ARHGEF9: variants seen among roughly 807,000 people sequenced by gnomAD.
The protein encoded by ARHGEF9 is Cdc42 guanine nucleotide exchange factor 9, also known as rho guanine nucleotide exchange factor 9.
ARHGEF9 carries 2 observed loss-of-function variants against 41.3 expected under a neutral mutation model. That is an observed-to-expected ratio of 0.05 (90% CI 0.02 to 0.15). The LOEUF (loss-of-function observed/expected upper bound fraction) is 0.15, where lower values mean the gene tolerates loss of function less well. Among genes scored for constraint, ARHGEF9 ranks in the 10% least tolerant of loss-of-function variants. The probability of loss-of-function intolerance (pLI) is 1.00; values close to 1 mark genes in which losing one functional copy is unlikely to be tolerated. For synonymous variants in ARHGEF9, 160 were observed against 154.4 expected (o/e 1.04, Z -0.27); for missense variants, 225 against 424.7 (o/e 0.53, Z 4.13).
chrX:63,745,433 A>G (rs2055207566), intron 1 of ARHGEF9, among the ~76,000 whole-genome samples: 2 of 111,098 alleles, frequency 1.8e-5, no homozygotes, highest in African/African-American at 3.3e-5. Flanking sequence ...GAGGTTATAT[A>G]AAGCTCTTGT....
Position 63,703,979 on chromosome X carries a change from T to G in ARHGEF9, c.402+2279A>C, listed in dbSNP as rs782360004. Among the ~76,000 whole-genome samples the G allele has an allele frequency of 1.6e-3, 173 of 111,242 alleles. 1 individual carries two copies. Among genetic ancestry groups the G allele is most frequent in the African/African-American group, 5.5e-3 (167 of 30,606 alleles). On this transcript the variant is annotated intron_variant, in intron 3 of 9. Coordinates refer to ENST00000671741, the MANE Select transcript of ARHGEF9 (RefSeq NM_001353921.2). Reference sequence around the variant, plus strand: ...TGCTGAAGGAAAAGCAAGAGGCCAGTATAGCTGGAGTAGTAACGAAAGCAT... The same window carrying G: ...TGCTGAAGGAAAAGCAAGAGGCCAGGATAGCTGGAGTAGTAACGAAAGCAT...
rs782147926 is a variant in ARHGEF9, at chrX:63,785,043, G to A, written c.30+73C>T. ...CAGGGTGCTCACTGCCTTGTGGCTC[G>A]TTGGAGGAACTGGAGGTGGGGCTGG... On this transcript the variant is annotated intron_variant, in intron 1 of 9. Coordinates refer to ENST00000671741, the MANE Select transcript of ARHGEF9 (RefSeq NM_001353921.2). 23 of 1,130,349 alleles carry A rather than the reference G, an allele frequency of 2.0e-5. No homozygotes were observed. The South Asian group carries it at 3.0e-4, about 15-fold the overall frequency. The allele number at this position is 1,130,349 out of a possible 1,213,427, so 93.2% of individuals were successfully genotyped here.
chrX:63,702,328 A>G (rs1556396586), intron 3 of ARHGEF9, among the ~76,000 whole-genome samples: 1 of 112,490 alleles, frequency 8.9e-6, no homozygotes, highest in South Asian at 3.7e-4. Flanking sequence ...TAAGGTTATA[A>G]GAGGCAATAT....
Position 63,637,846 on chromosome X carries a change from C to CTGTG in ARHGEF9, c.*178_*181dup, listed in dbSNP as rs10542660. 1.2e-3 allele frequency: 367 copies of CTGTG among 310,228 alleles called. 2 individuals are homozygous for CTGTG. Among genetic ancestry groups the CTGTG allele is most frequent in the Middle Eastern group, 5.5e-3 (6 of 1,097 alleles). The allele number at this position is 310,228 out of a possible 1,213,427, so 25.6% of individuals were successfully genotyped here. The stretch of plus-strand genomic sequence containing the variant: ...GAAAACACTTTTGTTCCTTATCTCT[C>CTGTG]TGTGTGTGTGTGTGTGTGTGTGTGT... On this transcript the variant is annotated 3_prime_UTR_variant, in exon 10 of 10. Coordinates refer to ENST00000671741, the MANE Select transcript of ARHGEF9 (RefSeq NM_001353921.2).
At chrX:63,717,346 A>G (rs1467477135) in intron 2 of ARHGEF9, among the ~76,000 whole-genome samples, 1 of 112,130 alleles carries the variant, frequency 8.9e-6, no homozygotes, top group Non-Finnish European at 1.9e-5. Flanking sequence ...TAGTTGTAAT[A>G]TCATTCCTAT....
At chrX:63,688,014 C>A (rs1230721388) in intron 4 of ARHGEF9, among the ~76,000 whole-genome samples, 1 of 111,062 alleles carries the variant, frequency 9.0e-6, no homozygotes, top group Non-Finnish European at 1.9e-5. Context: ...GGGTTAAAGA[C>A]AACCAAACAT....
chrX:63,683,971 G>T (rs1437434152), intron 4 of ARHGEF9, among the ~76,000 whole-genome samples: 1 of 110,358 alleles, frequency 9.1e-6, no homozygotes, highest in Non-Finnish European at 1.9e-5. Flanking sequence ...AAGTGGGACT[G>T]CATCAAATTA....
intron 8 of ARHGEF9, among the ~76,000 whole-genome samples, chrX:63,653,244 C>A (rs2048667358): frequency 9.0e-6 from 1 of 111,330 alleles, no homozygotes; most frequent in Non-Finnish European, 1.9e-5. Flanking sequence ...ACCTGTGCAC[C>A]ACAGCTTTAG....
At chrX:63,684,166 A>T (rs1238619505) in intron 4 of ARHGEF9, among the ~76,000 whole-genome samples, 1 of 110,897 alleles carries the variant, frequency 9.0e-6, no homozygotes, top group African/African-American at 3.3e-5. Flanking sequence ...TTCACAGCAA[A>T]AAAAAACAAA....
At chrX:63,649,499 A>C (rs1346408781) in intron 8 of ARHGEF9, among the ~76,000 whole-genome samples, 3 of 111,816 alleles carry the variant, frequency 2.7e-5, no homozygotes, top group East Asian at 5.6e-4. Context: ...AAAGATCTTA[A>C]ATTGACACCC....
chrX:63,687,414 A>G (rs1230092087), intron 4 of ARHGEF9, among the ~76,000 whole-genome samples: 2 of 111,717 alleles, frequency 1.8e-5, no homozygotes, highest in African/African-American at 6.5e-5. Context: ...ACCAAGCCAG[A>G]CAGTGAAGAC....
chrX:63,700,884 G>C (rs2052113062), intron 3 of ARHGEF9, among the ~76,000 whole-genome samples: 1 of 111,500 alleles, frequency 9.0e-6, no homozygotes, highest in Non-Finnish European at 1.9e-5. Context: ...TATGGCTCAA[G>C]GGAGGCAGTT....
At chrX:63,734,152 A>G (rs782251372) in intron 1 of ARHGEF9, among the ~76,000 whole-genome samples, 20 of 111,870 alleles carry the variant, frequency 1.8e-4, no homozygotes, top group Non-Finnish European at 3.8e-4. Context: ...CTGCTGCCTC[A>G]AAGTTCACAA....
intron 6 of ARHGEF9, among the ~76,000 whole-genome samples, chrX:63,670,678 CA>C (rs2049898366): frequency 9.0e-6 from 1 of 111,695 alleles, no homozygotes. Flanking sequence ...AGAAATTTCC[CA>C]GAAACTGCAG....
At chrX:63,770,471 A>G (rs1210211891) in intron 1 of ARHGEF9, among the ~76,000 whole-genome samples, 1 of 112,181 alleles carries the variant, frequency 8.9e-6, no homozygotes, top group Non-Finnish European at 1.9e-5. Flanking sequence ...GGTGGAAGGA[A>G]CCTGCTTTGC....
At chrX:63,760,282 G>T (rs1556449095) in intron 1 of ARHGEF9, among the ~76,000 whole-genome samples, 1 of 110,787 alleles carries the variant, frequency 9.0e-6, no homozygotes, top group African/African-American at 3.3e-5. Flanking sequence ...ACAGTCTACA[G>T]ATACTGAATC....
In ARHGEF9 at chrX:63,724,689, A is replaced by G; in HGVS notation, c.53T>C (p.Val18Ala). ...SGMLITGDSIVSAEAVWDHVT... is the reference protein window; with the variant it reads ...SGMLITGDSIASAEAVWDHVT... ...GTGATCCCATACTGCCTCAGCACTA[A>G]CGATGGAATCTCCAGTGATCAGCTT... Residue 18 changes from valine to alanine, a missense_variant, in exon 2 of 10, where the codon GTT (valine) becomes GCT (alanine). By Grantham distance (64) the Val-to-Ala change is moderately conservative (BLOSUM62 0). Around this residue, in one of 3 missense-constraint regions of ARHGEF9, gnomAD observed 114 missense variants for 197.9 expected, o/e 0.58. Coordinates refer to ENST00000671741, the MANE Select transcript of ARHGEF9 (RefSeq NM_001353921.2). 8.3e-7 allele frequency: 1 copy of G among 1,211,596 alleles called. No homozygotes were observed. Among genetic ancestry groups the G allele is most frequent in the Admixed American group, 2.2e-5 (1 of 46,037 alleles).
At chrX:63,760,725 AC>A (rs781869260) in intron 1 of ARHGEF9, among the ~76,000 whole-genome samples, 25 of 111,759 alleles carry the variant, frequency 2.2e-4, no homozygotes, top group African/African-American at 8.1e-4. Context: ...AGAAGGAAAC[AC>A]CTACTCACCT....
intron 4 of ARHGEF9, among the ~76,000 whole-genome samples, chrX:63,696,303 A>G (rs1556388043): frequency 2.7e-5 from 3 of 111,981 alleles, no homozygotes; most frequent in Non-Finnish European, 5.6e-5. Flanking sequence ...TACTTTATTA[A>G]AAGGGGAAAC....
Sources: allele counts gnomAD v4.1 joint callset (sites outside exome capture counted in the v4.1 genomes callset), GRCh38; gene constraint gnomAD v4.1.1; regional missense constraint gnomAD v4.1.1; transcripts MANE v1.5; gene names NCBI Gene and HGNC (gene_info 2026-07-23, HGNC 2026-07-21).